Variants in SNCAIP observed in about 807,000 individuals in gnomAD.
SNCAIP encodes synuclein alpha interacting protein.
SNCAIP carries 43 observed loss-of-function variants against 86.7 expected under a neutral mutation model. The observed-to-expected ratio is 0.50, with a 90% CI of 0.39 to 0.64. The LOEUF is 0.64. Among genes scored for constraint, SNCAIP ranks in the 30% least tolerant of loss-of-function variants. SNCAIP has a pLI of 0.00. For missense variants in SNCAIP, 981 were observed against 1,103.1 expected, an observed-to-expected ratio of 0.89 and a Z score of 1.57; for synonymous variants, 417 against 427.2, an observed-to-expected ratio of 0.98 and a Z score of 0.29.
chr5:122,420,115 A>C (rs995471753), intron 3 of SNCAIP, among the ~76,000 whole-genome samples: 1 of 152,150 alleles, frequency 6.6e-6, no homozygotes, highest in Non-Finnish European at 1.5e-5. Context: ...CACAGATCTC[A>C]CTCACAGCCT....
At chr5:122,353,956 G>A (rs1760464649) in intron 1 of SNCAIP, among the ~76,000 whole-genome samples, 1 of 152,168 alleles carries the variant, frequency 6.6e-6, no homozygotes, top group Admixed American at 6.5e-5. Flanking sequence ...AGCTCCTCCA[G>A]AGACGATGAA....
chr5:122,343,638 C>A (rs1486681074), intron 1 of SNCAIP, among the ~76,000 whole-genome samples: 1 of 152,180 alleles, frequency 6.6e-6, no homozygotes, highest in Non-Finnish European at 1.5e-5. Flanking sequence ...CGGTTATATA[C>A]CTCAATCGCT....
chr5:122,360,895 C>G (rs764575561), intron 1 of SNCAIP, among the ~76,000 whole-genome samples: 46 of 151,410 alleles, frequency 3.0e-4, no homozygotes, highest in Non-Finnish European at 3.4e-4. Flanking sequence ...TCTGAATAAT[C>G]AGGAGATGAG....
At chr5:122,460,699 G>T (rs1785979572) in intron 10 of SNCAIP, among the ~76,000 whole-genome samples, 1 of 152,150 alleles carries the variant, frequency 6.6e-6, no homozygotes, top group South Asian at 2.1e-4. Flanking sequence ...GTTGTCCTAT[G>T]TTATATTTTC....
chr5:122,335,242 G>C (rs1756200431), intron 1 of SNCAIP, among the ~76,000 whole-genome samples: 1 of 152,144 alleles, frequency 6.6e-6, no homozygotes, highest in Non-Finnish European at 1.5e-5. Context: ...CAATTGCCAA[G>C]GACTCGAAAG....
At chr5:122,422,783 G>A in intron 3 of SNCAIP, 85 bp from the exon 4 acceptor site, 3 of 1,113,960 alleles carry the variant, frequency 2.7e-6, no homozygotes, top group Non-Finnish European at 4.1e-6. Flanking sequence ...TGAACATAAT[G>A]TGAATGAACC....
At chr5:122,406,607 G>A (rs1020458690) in intron 3 of SNCAIP, among the ~76,000 whole-genome samples, 3 of 152,154 alleles carry the variant, frequency 2.0e-5, no homozygotes, top group African/African-American at 7.2e-5. Context: ...TTGTGATGGT[G>A]AGTGAGTTCT....
At chr5:122,425,208 C>G (rs946329183) in intron 4 of SNCAIP, 144 bp from the exon 5 acceptor site, 4 of 743,118 alleles carry the variant, frequency 5.4e-6, no homozygotes, top group Admixed American at 3.9e-5. Flanking sequence ...AGAATAATAG[C>G]AAGAAACTGA....
chr5:122,449,431 GAAAGT>G (rs368844294), intron 8 of SNCAIP, among the ~76,000 whole-genome samples: 129 of 152,044 alleles, frequency 8.5e-4, no homozygotes, highest in African/African-American at 2.7e-3. Flanking sequence ...TTTATTTAAT[GAAAGT>G]AAAGTATACT....
chr5:122,330,779 C>T (rs758986288), intron 1 of SNCAIP, among the ~76,000 whole-genome samples: 3 of 151,924 alleles, frequency 2.0e-5, no homozygotes, highest in Non-Finnish European at 4.4e-5. Flanking sequence ...ATGATTCAAG[C>T]GCATTACGTT....
At chr5:122,321,136 T>A (rs922237588) in intron 1 of SNCAIP, among the ~76,000 whole-genome samples, 6 of 152,178 alleles carry the variant, frequency 3.9e-5, no homozygotes, top group Non-Finnish European at 8.8e-5. Context: ...TCATATTTTA[T>A]AGCAGGCGCG....
rs192573200 is a variant in SNCAIP, at chr5:122,404,031, A to T, written c.130+166A>T. On this transcript the variant is annotated intron_variant, in intron 3 of 10. Transcript: ENST00000261368. Reference sequence around the variant, plus strand: ...CTCATGCCCTGCCTTCAACAAACAGATGTTAGGTCATCTGAAAGAGGATAG... The same window carrying T: ...CTCATGCCCTGCCTTCAACAAACAGTTGTTAGGTCATCTGAAAGAGGATAG... Among the ~76,000 whole-genome samples, 183 of 152,136 alleles carry T rather than the reference A, an allele frequency of 1.2e-3. 2 individuals are homozygous for T. The Middle Eastern group carries it at 0.027, about 23-fold the overall frequency.
Position 122,450,741 on chromosome 5 carries a change from G to C in SNCAIP, c.1894G>C (p.Val632Leu), listed in dbSNP as rs1427040355. ...ATTGGGAAAGGAAATCTCAGAAAAT[G>C]TCTGCACCCAGGAAAAACTGTCCTT... Reference protein sequence around the residue: ...QLLGKEISENVCTQEKLSLEF... With the variant: ...QLLGKEISENLCTQEKLSLEF... Residue 632 changes from valine (V) to leucine (L), a missense_variant, in exon 10 of 11, where the codon GTC (valine) becomes CTC (leucine). By Grantham distance (32) the Val-to-Leu change is conservative. Transcript: ENST00000261368. 6.2e-7 allele frequency: 1 copy of C among 1,614,140 alleles called. No homozygotes were observed. Among genetic ancestry groups the C allele is most frequent in the Admixed American group, 1.7e-5 (1 of 60,018 alleles).
intron 8 of SNCAIP, among the ~76,000 whole-genome samples, chr5:122,447,483 C>A (rs1023153298): frequency 2.2e-5 from 3 of 137,978 alleles, no homozygotes; most frequent in Non-Finnish European, 4.8e-5. Flanking sequence ...GTCAGTCAAC[C>A]CAATTACCCC....
chr5:122,339,936 C>G (rs1233135145), intron 1 of SNCAIP, among the ~76,000 whole-genome samples: 1 of 152,058 alleles, frequency 6.6e-6, no homozygotes, highest in Non-Finnish European at 1.5e-5. Context: ...TGTCACTGAG[C>G]AGGGGGTTAA....
intron 1 of SNCAIP, among the ~76,000 whole-genome samples, chr5:122,361,262 G>GA (rs1762155865): frequency 6.7e-6 from 1 of 149,646 alleles, no homozygotes; most frequent in African/African-American, 2.5e-5. Context: ...ATACTCTTAT[G>GA]AAGTATCTGT....
chr5:122,422,777 C>A, intron 3 of SNCAIP, 91 bp from the exon 4 acceptor site: 3 of 1,052,156 alleles, frequency 2.9e-6, no homozygotes, highest in Non-Finnish European at 4.4e-6. Flanking sequence ...TTAATTTGAA[C>A]ATAATGTGAA....
chr5:122,381,427 A>G (rs1206496223), intron 1 of SNCAIP, among the ~76,000 whole-genome samples: 1 of 144,838 alleles, frequency 6.9e-6, no homozygotes, highest in Non-Finnish European at 1.5e-5. Context: ...TTTTGAGCCT[A>G]TGTGTGTCTC....
At chr5:122,418,875 C>T (rs1289281362) in intron 3 of SNCAIP, among the ~76,000 whole-genome samples, 2 of 152,086 alleles carry the variant, frequency 1.3e-5, no homozygotes, top group African/African-American at 2.4e-5. Flanking sequence ...AGAAGGTTAA[C>T]TCAGGACTGA....
Sources: gnomAD v4.1 joint callset for allele counts (sites outside exome capture counted in the v4.1 genomes callset) on GRCh38, gnomAD v4.1.1 for gene constraint, MANE v1.5 for transcripts, NCBI Gene and HGNC (gene_info 2026-07-23, HGNC 2026-07-21) for gene names.